Variants in PKN2 observed in about 807,000 individuals in gnomAD.
The protein encoded by PKN2 is serine/threonine-protein kinase N2.
In PKN2, 38 loss-of-function variants were observed where a neutral mutation model predicts 119.1. The ratio of observed to expected loss-of-function variants is 0.32; its 90% CI spans 0.25 to 0.42. The LOEUF (loss-of-function observed/expected upper bound fraction) is 0.42, where lower values mean the gene tolerates loss of function less well. Among genes scored for constraint, PKN2 ranks in the 10% least tolerant of loss-of-function variants. The pLI is 1.00. For synonymous variants in PKN2, 390 were observed against 384.9 expected, an observed-to-expected ratio of 1.01 and a Z score of -0.15; for missense variants, 850 against 1,165.1, an observed-to-expected ratio of 0.73 and a Z score of 3.94.
At chr1:88,697,932 A>G (rs1666608084) in intron 1 of PKN2, among the ~76,000 whole-genome samples, 1 of 152,150 alleles carries the variant, frequency 6.6e-6, no homozygotes, top group African/African-American at 2.4e-5. Context: ...TATATATTGC[A>G]TTGTACTGTA....
At chr1:88,750,239 A>G (rs1445471738) in intron 2 of PKN2, among the ~76,000 whole-genome samples, 1 of 152,186 alleles carries the variant, frequency 6.6e-6, no homozygotes, top group Non-Finnish European at 1.5e-5. Context: ...TGGGTCTGAG[A>G]AGTAAAGACT....
intron 18 of PKN2, among the ~76,000 whole-genome samples, chr1:88,827,992 C>T (rs908458502): frequency 1.3e-4 from 19 of 151,916 alleles, no homozygotes; most frequent in African/African-American, 4.1e-4. Context: ...CCCAAAGTGC[C>T]GTGATTACAA....
chr1:88,814,430 G>C (rs1671903938), intron 16 of PKN2, among the ~76,000 whole-genome samples: 1 of 152,088 alleles, frequency 6.6e-6, no homozygotes, highest in African/African-American at 2.4e-5. Context: ...TTTGAACCTA[G>C]GAAAGTGATA....
chr1:88,760,551 ACAT>A (rs763418441), intron 3 of PKN2, among the ~76,000 whole-genome samples, 175 bp downstream of exon 3: 1 of 152,206 alleles, frequency 6.6e-6, no homozygotes, highest in African/African-American at 2.4e-5. Context: ...GAATTATATG[ACAT>A]GCTTGTTTCC....
chr1:88,715,247 A>G (rs940564478), intron 1 of PKN2, among the ~76,000 whole-genome samples: 1 of 151,842 alleles, frequency 6.6e-6, no homozygotes, highest in African/African-American at 2.4e-5. Flanking sequence ...TTTTTGTTGT[A>G]TCTCTGCCAG....
chr1:88,832,926 G>A, intron 20 of PKN2, 75 bp downstream of exon 20: 1 of 1,206,162 alleles, frequency 8.3e-7, no homozygotes. Context: ...TTTCCCAGTA[G>A]AACTTTAAAA....
intron 1 of PKN2, among the ~76,000 whole-genome samples, chr1:88,713,514 T>C (rs1283052656): frequency 6.6e-6 from 1 of 152,236 alleles, no homozygotes; most frequent in Admixed American, 6.5e-5. Context: ...GATTTGCATT[T>C]CTCTGCTGGC....
At chr1:88,805,196 ACAT>A (rs1671488340) in intron 10 of PKN2, among the ~76,000 whole-genome samples, 1 of 152,112 alleles carries the variant, frequency 6.6e-6, no homozygotes, top group South Asian at 2.1e-4. Context: ...GCAAACCCAG[ACAT>A]CATATTGATG....
At chr1:88,728,968 C>T (rs1668015236) in intron 1 of PKN2, among the ~76,000 whole-genome samples, 1 of 150,434 alleles carries the variant, frequency 6.6e-6, no homozygotes, top group Admixed American at 6.6e-5. Flanking sequence ...GATCTCGGCT[C>T]ACCACAATCT....
chr1:88,714,603 G>A (rs950432849), intron 1 of PKN2, among the ~76,000 whole-genome samples: 1 of 152,162 alleles, frequency 6.6e-6, no homozygotes, highest in Admixed American at 6.5e-5. Flanking sequence ...AGGAATGCTT[G>A]TGATTTTTGC....
rs137862461 is a variant in PKN2, at chr1:88,792,259, C to T, written c.1281+6046C>T. 9.9e-3 allele frequency among the ~76,000 whole-genome samples: 1,509 copies of T among 152,228 alleles called. 22 individuals are homozygous for T. The highest frequency in any genetic ancestry group is 0.034 in the African/African-American group (1,428 of 41,536). ...GTCTCTACTAAAAATACAAAATTAG[C>T]TGGACATAGTGGCGCATGCCTGTAA... is the stretch of plus-strand genomic sequence containing the variant. On this transcript the variant is annotated intron_variant, in intron 8 of 21. Coordinates refer to ENST00000370521, the MANE Select transcript of PKN2 (RefSeq NM_006256.4).
At chr1:88,710,275 C>T (rs1301008810) in intron 1 of PKN2, among the ~76,000 whole-genome samples, 2 of 151,966 alleles carry the variant, frequency 1.3e-5, no homozygotes, top group African/African-American at 4.8e-5. Context: ...AAGGAATCTT[C>T]CTGGAAGTGA....
chr1:88,782,828 T>G (rs1670401488), intron 6 of PKN2, among the ~76,000 whole-genome samples: 1 of 152,220 alleles, frequency 6.6e-6, no homozygotes, highest in Admixed American at 6.5e-5. Flanking sequence ...ATACACCTGG[T>G]AATCTTTGAG....
chr1:88,794,096 G>A (rs926144580), intron 8 of PKN2, among the ~76,000 whole-genome samples: 2 of 152,174 alleles, frequency 1.3e-5, no homozygotes, highest in African/African-American at 2.4e-5. Context: ...TGTTGGGCAC[G>A]GTGGCTCACG....
chr1:88,806,364 T>G (rs1454006988), intron 12 of PKN2: 1 of 265,376 alleles, frequency 3.8e-6, no homozygotes, highest in Non-Finnish European at 7.3e-6. Context: ...GAGATGGGAT[T>G]TCATTATATT....
In PKN2 at chr1:88,822,019, A is replaced by T; in HGVS notation, c.2342+16A>T. ...TTGTTTATAGGTAAGTTAATTTTTA[A>T]TTTTTTCTAATGGCTTGCTTTGGTA... On this transcript the variant is annotated intron_variant, in intron 17 of 21. Coordinates refer to ENST00000370521, the MANE Select transcript of PKN2 (RefSeq NM_006256.4). 2 of 1,509,580 alleles carry T rather than the reference A, an allele frequency of 1.3e-6. No individual in the cohort carries two copies. Among genetic ancestry groups the T allele is most frequent in the Non-Finnish European group, 1.8e-6 (2 of 1,126,284 alleles). 93.5% of individuals were successfully genotyped at this position (1,509,580 alleles called of 1,614,324 possible).
Position 88,821,974 on chromosome 1 carries a change from G to A in PKN2, c.2313G>A (p.Gln771=). Residue 771 remains glutamine, a synonymous_variant, in exon 17 of 22, where the codon CAG becomes CAA. Coordinates refer to ENST00000370521, the MANE Select transcript of PKN2 (RefSeq NM_006256.4). The part of the protein sequence containing the change: ...FYAACVVLGL[Q]YLHEHKIVYR... ...CTGCTTGTGTAGTTCTTGGGTTGCA[G>A]TATTTACATGAACACAAAATTGTTT... 1 of 1,577,822 alleles carries A rather than the reference G, an allele frequency of 6.3e-7. No homozygotes were observed. The highest frequency in any genetic ancestry group is 8.6e-7 in the Non-Finnish European group (1 of 1,166,124).
intron 19 of PKN2, 112 bp from the exon 20 acceptor site, chr1:88,832,631 GT>G: frequency 1.6e-6 from 1 of 610,910 alleles, no homozygotes; most frequent in African/African-American, 1.9e-5. Context: ...TGTTGTTGTT[GT>G]TTTGTCTGTT....
intron 1 of PKN2, among the ~76,000 whole-genome samples, chr1:88,716,772 T>C (rs1406965960): frequency 6.6e-6 from 1 of 152,216 alleles, no homozygotes; most frequent in African/African-American, 2.4e-5. Flanking sequence ...TGTCTTTTAA[T>C]TGGGGCATTT....
Sources: gnomAD v4.1 joint callset for allele counts (sites outside exome capture counted in the v4.1 genomes callset) on GRCh38, gnomAD v4.1.1 for gene constraint, MANE v1.5 for transcripts, NCBI Gene and HGNC (gene_info 2026-07-23, HGNC 2026-07-21) for gene names.